The following RBFOX1 variants were observed in gnomAD, a reference collection of about 807,000 sequenced individuals.
The protein encoded by RBFOX1 is RNA binding fox-1 homolog 1.
Under a neutral mutation model 57.7 loss-of-function variants are expected in RBFOX1, and 8 were observed. The observed-to-expected ratio is 0.14, with a 90% CI of 0.08 to 0.25. The LOEUF is 0.25. Among genes scored for constraint, RBFOX1 ranks in the 10% least tolerant of loss-of-function variants. RBFOX1 has a pLI of 1.00. For synonymous variants in RBFOX1, 326 were observed against 222.4 expected (o/e 1.47, Z -4.15); for missense variants, 611 against 548.5 (o/e 1.11, Z -1.14).
At chr16:7,423,456 T>G (rs1416833913) in intron 4 of RBFOX1, among the ~76,000 whole-genome samples, 2 of 151,868 alleles carry the variant, frequency 1.3e-5, no homozygotes, top group African/African-American at 2.4e-5. Context: ...GCCAGCAGAA[T>G]GGTAGAATGG....
chr16:7,345,308 C>T (rs951175408), intron 4 of RBFOX1, among the ~76,000 whole-genome samples: 1 of 152,100 alleles, frequency 6.6e-6, no homozygotes, highest in Non-Finnish European at 1.5e-5. Context: ...GCAGTGTAAA[C>T]ACTGAGGGGC....
At chr16:6,230,353 A>G (rs2097449713) in intron 1 of RBFOX1, among the ~76,000 whole-genome samples, 1 of 152,184 alleles carries the variant, frequency 6.6e-6, no homozygotes, top group African/African-American at 2.4e-5. Flanking sequence ...AAAAATATTT[A>G]TTATCTCCGT....
intron 3 of RBFOX1, among the ~76,000 whole-genome samples, chr16:6,822,875 T>C (rs1732441205): frequency 6.6e-6 from 1 of 152,192 alleles, no homozygotes; most frequent in South Asian, 2.1e-4. Flanking sequence ...GGAACAGTGA[T>C]TCACATAAAG....
chr16:6,585,893 A>C (rs2097605658), intron 2 of RBFOX1, among the ~76,000 whole-genome samples: 1 of 152,324 alleles, frequency 6.6e-6, no homozygotes, highest in South Asian at 2.1e-4. Context: ...TTGTAGAAGT[A>C]TCATGTAGTA....
intron 3 of RBFOX1, among the ~76,000 whole-genome samples, chr16:6,752,253 A>G (rs1368077104): frequency 1.3e-5 from 2 of 152,294 alleles, no homozygotes; most frequent in African/African-American, 2.4e-5. Flanking sequence ...TTGATTTGTC[A>G]TTTATAACAT....
intron 4 of RBFOX1, among the ~76,000 whole-genome samples, chr16:7,242,243 T>G (rs2094104750): frequency 6.6e-6 from 1 of 151,976 alleles, no homozygotes; most frequent in Non-Finnish European, 1.5e-5. Flanking sequence ...CTGACAAGAG[T>G]GTTCACTGAA....
chr16:6,614,201 G>A (rs1191711828), intron 2 of RBFOX1, among the ~76,000 whole-genome samples: 5 of 152,204 alleles, frequency 3.3e-5, no homozygotes, highest in African/African-American at 9.6e-5. Context: ...TCTAAGTAAT[G>A]AAATTCTGAT....
At chr16:5,772,853 A>C (rs1345740362) in intron 3 of RBFOX1, among the ~76,000 whole-genome samples, 1 of 152,154 alleles carries the variant, frequency 6.6e-6, no homozygotes, top group Non-Finnish European at 1.5e-5. Context: ...TGTCAGTTAC[A>C]GTTTTAAATA....
intron 4 of RBFOX1, among the ~76,000 whole-genome samples, chr16:5,894,933 G>T (rs1472314559): frequency 6.6e-6 from 1 of 152,124 alleles, no homozygotes; most frequent in Admixed American, 6.5e-5. Flanking sequence ...TGAGGCAGGA[G>T]AATGGCATGA....
At chr16:6,743,128 T>A (rs2072694012) in intron 3 of RBFOX1, among the ~76,000 whole-genome samples, 1 of 152,314 alleles carries the variant, frequency 6.6e-6, no homozygotes, top group African/African-American at 2.4e-5. Context: ...TATAAAGATT[T>A]GCCTTTTATA....
At chr16:6,473,780 T>C (rs558396953) in intron 2 of RBFOX1, among the ~76,000 whole-genome samples, 14 of 152,264 alleles carry the variant, frequency 9.2e-5, no homozygotes, top group Middle Eastern at 3.4e-3. Flanking sequence ...TAGAGGCTGT[T>C]TGCGTGGGGA....
chr16:6,502,623 G>T (rs1347160244), intron 2 of RBFOX1, among the ~76,000 whole-genome samples: 3 of 152,066 alleles, frequency 2.0e-5, no homozygotes, highest in South Asian at 4.1e-4. Context: ...TGCCATCCAT[G>T]GTGGATAAGT....
chr16:6,676,535 T>G (rs1025643671), intron 3 of RBFOX1, among the ~76,000 whole-genome samples: 3 of 152,094 alleles, frequency 2.0e-5, no homozygotes, highest in African/African-American at 7.2e-5. Flanking sequence ...TCTATGCATA[T>G]AATCCACAAA....
At position 7,552,913 on chromosome 16, in the gene RBFOX1, C is replaced by A. The variant is rs982931568; in HGVS notation, c.271-26864C>A. ...GGCCAGGCTGGTCTCAAACTGCCGA[C>A]CTCAGGTGATCTGCCCGCCTCGGAC... On this transcript the variant is annotated intron_variant, in intron 5 of 15. Transcript: ENST00000550418. 6.0e-4 allele frequency among the ~76,000 whole-genome samples: 91 copies of A among 152,138 alleles called. 1 individual carries two copies. The highest frequency in any genetic ancestry group is 2.1e-3 in the African/African-American group (89 of 41,520).
At chr16:7,014,265 T>C (rs977435127) in intron 3 of RBFOX1, among the ~76,000 whole-genome samples, 1 of 151,150 alleles carries the variant, frequency 6.6e-6, no homozygotes, top group Non-Finnish European at 1.5e-5. Context: ...GGCTGGAGTG[T>C]GCAGTGGCAT....
intron 1 of RBFOX1, among the ~76,000 whole-genome samples, chr16:6,188,887 G>T: frequency 6.8e-6 from 1 of 146,420 alleles, no homozygotes; most frequent in Non-Finnish European, 1.5e-5. Flanking sequence ...TAAAACACCA[G>T]TCTGCTTTTC....
chr16:5,271,365 A>G (rs2063001457), intron 1 of RBFOX1, among the ~76,000 whole-genome samples: 1 of 152,194 alleles, frequency 6.6e-6, no homozygotes, highest in South Asian at 2.1e-4. Context: ...TCTTATGCAT[A>G]CATACATACA....
intron 2 of RBFOX1, among the ~76,000 whole-genome samples, chr16:6,439,310 T>G (rs150039821): frequency 6.6e-6 from 1 of 152,140 alleles, no homozygotes; most frequent in Non-Finnish European, 1.5e-5. Flanking sequence ...CATCCACCCA[T>G]GTTAATGCAG....
rs866864458 is a variant in RBFOX1 at position 7,260,987 on chromosome 16, T to A, written c.27+208889T>A. ...GGTCAAGAAAGTTCATGGCAAAAGATTTGAGTCACTTCAGGGGATGGTGGA... is the reference window on the plus strand; with the variant it reads ...GGTCAAGAAAGTTCATGGCAAAAGAATTGAGTCACTTCAGGGGATGGTGGA... On this transcript the variant is annotated intron_variant, in intron 4 of 15. Coordinates refer to ENST00000550418, the MANE Select transcript of RBFOX1 (RefSeq NM_018723.4). Among the ~76,000 whole-genome samples, 43 of 152,120 alleles carry A rather than the reference T, an allele frequency of 2.8e-4. 1 individual carries two copies. The highest frequency in any genetic ancestry group is 1.0e-3 in the African/African-American group (43 of 41,420).
Sources: allele counts gnomAD v4.1 joint callset (sites outside exome capture counted in the v4.1 genomes callset), GRCh38; gene constraint gnomAD v4.1.1; transcripts MANE v1.5; gene names NCBI Gene and HGNC (gene_info 2026-07-23, HGNC 2026-07-21).